PPP6R1: variants seen among roughly 807,000 people sequenced by gnomAD.
PPP6R1 encodes the protein protein phosphatase 6 regulatory subunit 1.
PPP6R1 carries 39 observed loss-of-function variants against 104.6 expected under a neutral mutation model. The ratio of observed to expected loss-of-function variants is 0.37; its 90% CI spans 0.29 to 0.49. PPP6R1 has a LOEUF of 0.49. PPP6R1 is among the 20% of genes least tolerant of loss of function. The probability of loss-of-function intolerance (pLI) is 0.98; values close to 1 mark genes in which losing one functional copy is unlikely to be tolerated. For synonymous variants in PPP6R1, 549 were observed against 479.0 expected (o/e 1.15, Z -1.91); for missense variants, 1,181 against 1,155.8 (o/e 1.02, Z -0.32).
At chr19:55,243,793 C>T (rs543040083) in intron 5 of PPP6R1, among the ~76,000 whole-genome samples, 12 of 152,270 alleles carry the variant, frequency 7.9e-5, no homozygotes, top group Non-Finnish European at 1.3e-4. Context: ...GCTAGGATTA[C>T]AGGTGTGCAC....
chr19:55,228,821 G>A (rs560469957), downstream of PPP6R1: 17 of 1,439,334 alleles, frequency 1.2e-5, no homozygotes, highest in African/African-American at 2.8e-5. Flanking sequence ...ATGGTTACAC[G>A]TTAACCCAAG....
Position 55,239,448 on chromosome 19 carries a change from C to T in PPP6R1, c.1708G>A (p.Gly570Ser). The stretch of plus-strand genomic sequence containing the variant: ...TCCCCAAACTCCTCATCATTGAAGC[C>T]GAAGTGGTCAATGAAGGCAGAGGTC... ...RMTSAFIDHF[G>S]FNDEEFGEQE... Residue 570 changes from glycine (G) to serine (S), a missense_variant, in exon 15 of 24, where the codon GGC becomes AGC. Coordinates refer to ENST00000412770, the MANE Select transcript of PPP6R1 (RefSeq NM_014931.4). 1.2e-6 allele frequency: 2 copies of T among 1,614,018 alleles called. No individual in the cohort carries two copies. Among genetic ancestry groups the T allele is most frequent in the South Asian group, 1.1e-5 (1 of 91,076 alleles).
At chr19:55,247,569 G>T (rs1036779460) in intron 1 of PPP6R1, among the ~76,000 whole-genome samples, 1 of 152,230 alleles carries the variant, frequency 6.6e-6, no homozygotes, top group African/African-American at 2.4e-5. Context: ...CAGAGGCAGG[G>T]CCTTAACCTC....
intron 21 of PPP6R1, 94 bp from the exon 22 acceptor site, chr19:55,230,978 G>T: frequency 9.2e-7 from 1 of 1,082,048 alleles, no homozygotes; most frequent in Non-Finnish European, 1.4e-6. Flanking sequence ...GGCTCACTGG[G>T]TGTGTGTCTG....
At chr19:55,235,355 G>A (rs949131558) in intron 17 of PPP6R1, among the ~76,000 whole-genome samples, 11 of 152,070 alleles carry the variant, frequency 7.2e-5, no homozygotes, top group African/African-American at 2.7e-4. Context: ...GAAAACGTGT[G>A]AGAGCTAACA....
At chr19:55,232,986 T>A (rs1012346485) in intron 17 of PPP6R1, 9 of 152,170 alleles carry the variant, frequency 5.9e-5, no homozygotes, top group African/African-American at 2.2e-4. Context: ...AGCCTATTGT[T>A]CCTAGACTAC....
Position 55,230,539 on chromosome 19 carries a change from CAGAG to C in PPP6R1, c.2643-12_2643-9del, listed in dbSNP as rs1177664023. On this transcript the variant is annotated splice_polypyrimidine_tract_variant and intron_variant, in intron 23 of 23. Transcript: ENST00000412770. Reference sequence around the variant, plus strand: ...GCCGCACCAGGCAGCTATCTGGAAACAGAGGGAGATGTCGTGTGAGGGTCTAGCA... The same window carrying C: ...GCCGCACCAGGCAGCTATCTGGAAACGGAGATGTCGTGTGAGGGTCTAGCA... 6.2e-7 allele frequency: 1 copy of C among 1,613,434 alleles called. No homozygotes were observed. The highest frequency in any genetic ancestry group is 8.5e-7 in the Non-Finnish European group (1 of 1,179,822).
chr19:55,240,215 T>C (rs964295914), intron 11 of PPP6R1, 21 bp downstream of exon 11: 20 of 1,579,434 alleles, frequency 1.3e-5, no homozygotes, highest in Non-Finnish European at 1.4e-5. Context: ...CCTGGAGACA[T>C]GAAGGGCAGC....
chr19:55,239,571 GC>G, intron 14 of PPP6R1, 22 bp downstream of exon 14: 1 of 1,608,612 alleles, frequency 6.2e-7, no homozygotes, highest in South Asian at 1.1e-5. Flanking sequence ...GCCCAGCACA[GC>G]CCCACATAGC....
At chr19:55,232,353 T>C in intron 17 of PPP6R1, 142 bp from the exon 18 acceptor site, 1 of 1,291,568 alleles carries the variant, frequency 7.7e-7, no homozygotes, top group Non-Finnish European at 1.0e-6. Flanking sequence ...GAGCCTGGGG[T>C]GTGACGACAC....
At position 55,231,401 on chromosome 19, in the gene PPP6R1, G is replaced by A. The variant is rs186517205; in HGVS notation, c.2459+9C>T. The A allele has an allele frequency of 1.3e-4, 199 of 1,585,836 alleles. No individual in the cohort carries two copies. Among genetic ancestry groups the A allele is most frequent in the Non-Finnish European group, 1.5e-4 (176 of 1,166,918 alleles). ...TCCCGATACTAGGCAGCCCCACCTC[G>A]CTGCTCACCTGTCCGAGGAGCTGGG... On this transcript the variant is annotated intron_variant, in intron 21 of 23. Coordinates refer to ENST00000412770, the MANE Select transcript of PPP6R1 (RefSeq NM_014931.4).
At chr19:55,253,512 G>C (rs1390580398) in intron 1 of PPP6R1, among the ~76,000 whole-genome samples, 2 of 152,210 alleles carry the variant, frequency 1.3e-5, no homozygotes, top group African/African-American at 4.8e-5. Context: ...TGAGACGGGA[G>C]GGTGCTCGCT....
chr19:55,235,167 AC>A lies in PPP6R1; in HGVS notation c.1988+1475del, dbSNP rs138011253. On this transcript the variant is annotated intron_variant, in intron 17 of 23. Coordinates refer to ENST00000412770, the MANE Select transcript of PPP6R1 (RefSeq NM_014931.4). ...AGGCTGTCAAATCTACATGGCATGAACCCATTTCATCACAGCGACTCTGGGG... is the reference window on the plus strand; with the variant it reads ...AGGCTGTCAAATCTACATGGCATGAACCATTTCATCACAGCGACTCTGGGG... Among the ~76,000 whole-genome samples, 956 of 151,896 alleles carry A rather than the reference AC, an allele frequency of 6.3e-3. 8 individuals carry two copies. Among genetic ancestry groups the A allele is most frequent in the Non-Finnish European group, 0.011 (726 of 67,950 alleles).
downstream of PPP6R1, chr19:55,228,711 T>G: frequency 6.2e-7 from 1 of 1,613,260 alleles, no homozygotes; most frequent in South Asian, 1.1e-5. Flanking sequence ...CAGTGAGTCT[T>G]CAGGGTCTGC....
At chr19:55,258,251 G>C (rs1169044263) in intron 1 of PPP6R1, among the ~76,000 whole-genome samples, 184 bp downstream of exon 1, 1 of 152,206 alleles carries the variant, frequency 6.6e-6, no homozygotes, top group Non-Finnish European at 1.5e-5. Context: ...TAAGAGACTG[G>C]GGAGGGTCGA....
At chr19:55,240,373 G>C (rs1470545427) in intron 10 of PPP6R1, 73 bp from the exon 11 acceptor site, 2 of 1,428,326 alleles carry the variant, frequency 1.4e-6, no homozygotes, top group Non-Finnish European at 1.9e-6. Context: ...ACTGCAGCAG[G>C]GGTCCCTTCC....
chr19:55,246,385 T>C (rs2087508406), intron 2 of PPP6R1, among the ~76,000 whole-genome samples: 2 of 149,682 alleles, frequency 1.3e-5, no homozygotes, highest in Admixed American at 6.7e-5. Flanking sequence ...ATCATGCCTC[T>C]GCACTCCAAC....
In PPP6R1 at chr19:55,245,201, C is replaced by T. The variant is rs772366826; in HGVS notation, c.553-16G>A. ...CGTTGAGCCACTGAGGGTGAGAAGG[C>T]GAGGGATGCATCGCTGTCCACCACG... On this transcript the variant is annotated splice_polypyrimidine_tract_variant and intron_variant, in intron 4 of 23. Coordinates refer to ENST00000412770, the MANE Select transcript of PPP6R1 (RefSeq NM_014931.4). This position sits in a 1 kb window ranked among gnomAD's most constrained non-coding sequence, Gnocchi z 6.4. 16 of 1,611,276 alleles carry T rather than the reference C, an allele frequency of 9.9e-6. No individual in the cohort carries two copies. The highest frequency in any genetic ancestry group is 2.2e-5 in the East Asian group (1 of 44,784).
intron 17 of PPP6R1, among the ~76,000 whole-genome samples, chr19:55,234,212 G>T (rs892180363): frequency 6.6e-6 from 1 of 152,136 alleles, no homozygotes; most frequent in Non-Finnish European, 1.5e-5. Flanking sequence ...CTCCCAAAGT[G>T]CTGGGATTAC....
Sources: gnomAD v4.1 joint callset for allele counts (sites outside exome capture counted in the v4.1 genomes callset) on GRCh38, gnomAD v4.1.1 for gene constraint, Gnocchi (gnomAD v3.1) non-coding constraint, MANE v1.5 for transcripts, NCBI Gene and HGNC (gene_info 2026-07-23, HGNC 2026-07-21) for gene names.